The following UBR3 variants were observed in gnomAD, a reference collection of about 807,000 sequenced individuals.
The protein encoded by UBR3 is ubiquitin protein ligase E3 component n-recognin 3.
A neutral mutation model predicts 243.2 loss-of-function variants in UBR3; 85 were observed. That is an observed-to-expected ratio of 0.35 (90% confidence interval 0.29 to 0.42). UBR3 has a LOEUF of 0.42. Among genes scored for constraint, UBR3 ranks in the 10% least tolerant of loss-of-function variants. UBR3 has a pLI of 1.00. For missense variants in UBR3, 1,686 were observed against 2,300.8 expected (o/e 0.73, Z 5.47); for synonymous variants, 748 against 799.8 (o/e 0.94, Z 1.09).
chr2:169,947,900 G>A, intron 22 of UBR3, 185 bp downstream of exon 22: 1 of 985,042 alleles, frequency 1.0e-6, no homozygotes, highest in Non-Finnish European at 1.2e-6. Flanking sequence ...CCCTTAATCT[G>A]CCAGAGTTCA....
intron 38 of UBR3, among the ~76,000 whole-genome samples, chr2:170,081,297 G>A (rs1458853095): frequency 2.0e-5 from 3 of 152,120 alleles, no homozygotes; most frequent in Non-Finnish European, 2.9e-5. Context: ...TCAGGAGTTC[G>A]AGACCAGGCT....
chr2:170,053,615 G>T (rs1433344107), intron 32 of UBR3, among the ~76,000 whole-genome samples: 1 of 152,178 alleles, frequency 6.6e-6, no homozygotes, highest in Admixed American at 6.5e-5. Flanking sequence ...TGGTCTTGGG[G>T]ACCCCCAACA....
At chr2:169,958,826 T>G (rs1258256009) in intron 24 of UBR3, among the ~76,000 whole-genome samples, 1 of 152,200 alleles carries the variant, frequency 6.6e-6, no homozygotes, top group Non-Finnish European at 1.5e-5. Flanking sequence ...TACATTTACT[T>G]GTCTTGATCT....
chr2:170,023,962 A>C (rs1301010064), intron 30 of UBR3, among the ~76,000 whole-genome samples: 1 of 151,906 alleles, frequency 6.6e-6, no homozygotes, highest in Non-Finnish European at 1.5e-5. Context: ...TTGGCCTCCC[A>C]AAGTGCTGGG....
intron 24 of UBR3, among the ~76,000 whole-genome samples, chr2:169,962,383 C>G (rs1309627638): frequency 2.0e-5 from 3 of 152,150 alleles, no homozygotes; most frequent in African/African-American, 7.2e-5. Context: ...GCCAGTTAAG[C>G]CTTTAAATGA....
chr2:169,991,746 C>A (rs2089283266), intron 25 of UBR3, among the ~76,000 whole-genome samples: 1 of 152,028 alleles, frequency 6.6e-6, no homozygotes, highest in Non-Finnish European at 1.5e-5. Flanking sequence ...CGATGCCTAG[C>A]TAATTTTTTG....
At chr2:169,881,935 A>AC (rs1467007412) in intron 5 of UBR3, among the ~76,000 whole-genome samples, 93 of 44,492 alleles carry the variant, frequency 2.1e-3, no homozygotes, top group Admixed American at 5.0e-3. Context: ...GTATACATAT[A>AC]ATATAATTAC....
chr2:169,960,236 CAAAAAAAAAA>C (rs11461641), intron 24 of UBR3, among the ~76,000 whole-genome samples: 28 of 64,012 alleles, frequency 4.4e-4, no homozygotes, highest in African/African-American at 1.5e-3. Context: ...GTGACAAGAG[CAAAAAAAAAA>C]AAAAAAAAAA....
At chr2:169,963,286 G>A (rs1393472948) in intron 24 of UBR3, among the ~76,000 whole-genome samples, 2 of 152,098 alleles carry the variant, frequency 1.3e-5, no homozygotes, top group African/African-American at 4.8e-5. Context: ...TCTGCCTCAT[G>A]TGCTGATTCT....
chr2:170,004,944 C>T (rs2089855718), intron 27 of UBR3, among the ~76,000 whole-genome samples: 1 of 151,982 alleles, frequency 6.6e-6, no homozygotes, highest in Non-Finnish European at 1.5e-5. Context: ...GAGAACAAGG[C>T]TGGGCATGGT....
chr2:169,914,088 T>C lies in UBR3; in HGVS notation c.1808T>C (p.Val603Ala). The change falls in exon 11 of 39, where the codon GTT becomes GCT. Residue 603 changes from valine (V) to alanine (A), a missense_variant. This residue lies in a region of UBR3 where 346 missense variants were observed against 585.8 expected (regional missense o/e 0.59). Coordinates refer to ENST00000272793, the MANE Select transcript of UBR3 (RefSeq NM_172070.4). ...ACTCAAGAGTATACCCGAAATGTTG[T>C]TAGATATTGCCTTGAAGCTCTTCAA... Reference protein sequence around the residue: ...RETQEYTRNVVRYCLEALQDW... With the variant: ...RETQEYTRNVARYCLEALQDW... 1 of 1,508,568 alleles carries C rather than the reference T, an allele frequency of 6.6e-7. No homozygotes were observed. Among genetic ancestry groups the C allele is most frequent in the Non-Finnish European group, 8.9e-7 (1 of 1,126,458 alleles). The allele number at this position is 1,508,568 out of a possible 1,614,324, so 93.4% of individuals were successfully genotyped here. A position where few individuals can be genotyped will look rare whatever the true frequency, so the allele number is the denominator to read the frequency against.
chr2:169,963,976 T>C (rs1289099646), intron 24 of UBR3, among the ~76,000 whole-genome samples: 1 of 152,172 alleles, frequency 6.6e-6, no homozygotes, highest in East Asian at 1.9e-4. Flanking sequence ...CATGCATGCC[T>C]TAGGATTGAG....
intron 10 of UBR3, among the ~76,000 whole-genome samples, chr2:169,909,681 T>C (rs1343735476): frequency 6.6e-6 from 1 of 152,098 alleles, no homozygotes; most frequent in East Asian, 1.9e-4. Flanking sequence ...GATAAATGTC[T>C]GAGGTGATGG....
chr2:169,841,736 C>T (rs528632232), intron 1 of UBR3, among the ~76,000 whole-genome samples: 40 of 152,356 alleles, frequency 2.6e-4, no homozygotes, highest in African/African-American at 9.4e-4. Context: ...CGGCGCTGTG[C>T]TCGATTTCTC....
At chr2:169,882,322 TTA>T in intron 5 of UBR3, among the ~76,000 whole-genome samples, 1 of 140,804 alleles carries the variant, frequency 7.1e-6, no homozygotes, top group Non-Finnish European at 1.5e-5. Flanking sequence ...TATTTATATA[TTA>T]TATATGTATT....
At chr2:169,934,958 G>C (rs543931853) in intron 19 of UBR3, among the ~76,000 whole-genome samples, 86 of 152,142 alleles carry the variant, frequency 5.7e-4, no homozygotes, top group Non-Finnish European at 1.1e-3. Context: ...GCAAGAAGAG[G>C]CTTAAGCGAG....
chr2:169,892,818 C>T (rs1028963099), intron 6 of UBR3, among the ~76,000 whole-genome samples: 1 of 152,168 alleles, frequency 6.6e-6, no homozygotes, highest in African/African-American at 2.4e-5. Flanking sequence ...TGCCTGTTCT[C>T]TAAACCTGCA....
chr2:169,940,825 T>C (rs1021850763), intron 19 of UBR3, among the ~76,000 whole-genome samples: 6 of 152,222 alleles, frequency 3.9e-5, no homozygotes, highest in Non-Finnish European at 7.3e-5. Flanking sequence ...CCAATGGCTG[T>C]CCGAAAATAT....
chr2:169,932,502 G>A (rs10432418), intron 18 of UBR3, among the ~76,000 whole-genome samples: 63,519 of 152,010 alleles, frequency 0.42, 15,070 homozygotes, highest in Non-Finnish European at 0.54. Context: ...GGGTTCAGGT[G>A]AGCCTCCTGC....
Sources: gnomAD v4.1 joint callset for allele counts (sites outside exome capture counted in the v4.1 genomes callset) on GRCh38, gnomAD v4.1.1 for gene constraint, gnomAD v4.1.1 regional missense constraint, MANE v1.5 for transcripts, NCBI Gene and HGNC (gene_info 2026-07-23, HGNC 2026-07-21) for gene names.